Variants in SNX24 observed in about 807,000 individuals in gnomAD.
SNX24 encodes the protein sorting nexin-24.
Under a neutral mutation model 28.7 loss-of-function variants are expected in SNX24, and 22 were observed. The observed-to-expected ratio is 0.77, with a 90% confidence interval of 0.55 to 1.10. The LOEUF is 1.10. Among genes scored for constraint, SNX24 ranks in the 50% least tolerant of loss-of-function variants. The pLI is 0.00. For missense variants in SNX24, 221 were observed against 201.1 expected, an observed-to-expected ratio of 1.10 and a Z score of -0.60; for synonymous variants, 69 against 71.5, an observed-to-expected ratio of 0.96 and a Z score of 0.18.
chr5:122,971,285 C>T (rs938827771), intron 3 of SNX24, among the ~76,000 whole-genome samples: 26 of 152,160 alleles, frequency 1.7e-4, no homozygotes, highest in African/African-American at 5.3e-4. Context: ...ATCTTGGTTG[C>T]GCTGGCAGAT....
intron 3 of SNX24, among the ~76,000 whole-genome samples, chr5:122,960,958 C>G (rs1047013368): frequency 6.6e-6 from 1 of 152,160 alleles, no homozygotes; most frequent in African/African-American, 2.4e-5. Context: ...GGTGTTTTCT[C>G]ATCATTCATA....
intron 3 of SNX24, among the ~76,000 whole-genome samples, chr5:122,987,136 A>G (rs1158710059): frequency 6.6e-6 from 1 of 152,112 alleles, no homozygotes; most frequent in African/African-American, 2.4e-5. Flanking sequence ...TGAAGTGTGA[A>G]GCGTGGTTAT....
chr5:122,931,316 A>T (rs1758943887), intron 1 of SNX24, among the ~76,000 whole-genome samples: 1 of 152,144 alleles, frequency 6.6e-6, no homozygotes, highest in African/African-American at 2.4e-5. Flanking sequence ...TAGAAATCGA[A>T]TATCATAATA....
intron 1 of SNX24, among the ~76,000 whole-genome samples, chr5:122,905,723 C>T (rs907876355): frequency 1.3e-5 from 2 of 152,200 alleles, no homozygotes; most frequent in Non-Finnish European, 2.9e-5. Context: ...AGATCCTCCT[C>T]TCTTTCCAAC....
intron 2 of SNX24, among the ~76,000 whole-genome samples, chr5:122,944,456 G>A (rs1581780567): frequency 6.6e-6 from 1 of 152,032 alleles, no homozygotes; most frequent in South Asian, 2.1e-4. Flanking sequence ...AAAAGAAGGA[G>A]GAAATGAATA....
intron 3 of SNX24, among the ~76,000 whole-genome samples, chr5:122,987,216 G>C (rs1020938825): frequency 1.2e-4 from 18 of 152,096 alleles, no homozygotes; most frequent in Non-Finnish European, 2.9e-5. Context: ...TTGAAAATGG[G>C]TAAAGGCTGA....
chr5:122,980,588 T>C (rs1346102270), intron 3 of SNX24, among the ~76,000 whole-genome samples: 5 of 151,810 alleles, frequency 3.3e-5, no homozygotes, highest in African/African-American at 9.7e-5. Context: ...AACTAATTTC[T>C]CAAGGTTTTC....
At chr5:122,900,190 CT>C (rs34211374) in intron 1 of SNX24, among the ~76,000 whole-genome samples, 10 of 148,336 alleles carry the variant, frequency 6.7e-5, no homozygotes, top group Admixed American at 6.7e-5. Context: ...CACCCAGCTA[CT>C]TTTTTTTTTT....
At chr5:122,939,242 T>A (rs1388832371) in intron 2 of SNX24, among the ~76,000 whole-genome samples, 1 of 152,264 alleles carries the variant, frequency 6.6e-6, no homozygotes, top group Admixed American at 6.5e-5. Flanking sequence ...AATCTGTTGT[T>A]ACTTAATTCT....
rs545477093 is a variant in SNX24, at chr5:122,882,236, C to G, written c.60+36543C>G. Among the ~76,000 whole-genome samples the G allele has an allele frequency of 1.7e-4, 26 of 152,276 alleles. No individual in the cohort carries two copies. In the East Asian group the frequency reaches 3.9e-3, roughly 23 times the overall value. On this transcript the variant is annotated intron_variant, in intron 1 of 6. Transcript: ENST00000261369. ...AAAATGCTGGTATTATAGGCATGAGCCACCACACACACTGAATTTTGAATT... is the reference window on the plus strand; with the variant it reads ...AAAATGCTGGTATTATAGGCATGAGGCACCACACACACTGAATTTTGAATT...
chr5:122,998,414 CT>C (rs552576537), intron 3 of SNX24: 4 of 152,170 alleles, frequency 2.6e-5, no homozygotes, highest in Non-Finnish European at 4.4e-5. Context: ...TCCACTGGAC[CT>C]GTAAGATTTA....
intron 4 of SNX24, among the ~76,000 whole-genome samples, chr5:123,001,013 A>G (rs1464676800): frequency 1.3e-5 from 2 of 152,232 alleles, no homozygotes; most frequent in Non-Finnish European, 2.9e-5. Flanking sequence ...CAAAAATTAT[A>G]CACTTGGCAA....
At chr5:123,016,077 T>G (rs1762674246) in intron 5 of SNX24, among the ~76,000 whole-genome samples, 1 of 152,228 alleles carries the variant, frequency 6.6e-6, no homozygotes, top group Non-Finnish European at 1.5e-5. Context: ...AAAACCTTGG[T>G]ATCTTTCCAA....
intron 3 of SNX24, among the ~76,000 whole-genome samples, chr5:122,976,502 C>A (rs1455223926): frequency 1.3e-5 from 2 of 152,108 alleles, no homozygotes; most frequent in African/African-American, 2.4e-5. Flanking sequence ...TGTAGAAGTA[C>A]AAGGATGAAA....
intron 3 of SNX24, among the ~76,000 whole-genome samples, chr5:122,996,002 C>A (rs1762040773): frequency 6.6e-6 from 1 of 152,142 alleles, no homozygotes; most frequent in Non-Finnish European, 1.5e-5. Context: ...TGGGAGCCCT[C>A]CACACCACTG....
At chr5:123,010,185 G>A (rs1415992651), downstream of SNX24, among the ~76,000 whole-genome samples, 1 of 152,046 alleles carries the variant, frequency 6.6e-6, no homozygotes, top group South Asian at 2.1e-4. Flanking sequence ...TCCCTTCAAC[G>A]CACATCCAGT....
intron 3 of SNX24, among the ~76,000 whole-genome samples, chr5:122,953,316 G>A (rs952155641): frequency 6.6e-6 from 1 of 152,032 alleles, no homozygotes; most frequent in Non-Finnish European, 1.5e-5. Context: ...TGTTGGCCAG[G>A]CTGGTCTCAA....
intron 3 of SNX24, among the ~76,000 whole-genome samples, chr5:122,955,014 T>G (rs2150133137): frequency 6.6e-6 from 1 of 152,180 alleles, no homozygotes; most frequent in South Asian, 2.1e-4. Flanking sequence ...ATACTAAATT[T>G]TTTATTATAG....
intron 1 of SNX24, among the ~76,000 whole-genome samples, chr5:122,921,821 A>G (rs1317564234): frequency 2.0e-5 from 3 of 152,176 alleles, no homozygotes; most frequent in Non-Finnish European, 2.9e-5. Flanking sequence ...AAGCTTGCAA[A>G]ATGATTGTAT....
Sources: allele counts gnomAD v4.1 joint callset (sites outside exome capture counted in the v4.1 genomes callset), GRCh38; gene constraint gnomAD v4.1.1; transcripts MANE v1.5; gene names NCBI Gene and HGNC (gene_info 2026-07-23, HGNC 2026-07-21).